The following MSR1 variants were observed in gnomAD, a reference collection of about 807,000 sequenced individuals.
MSR1 encodes macrophage scavenger receptor types I and II.
In MSR1, 53 loss-of-function variants were observed where a neutral mutation model predicts 47.2. That is an observed-to-expected ratio of 1.12 (90% confidence interval 0.90 to 1.41). The LOEUF (loss-of-function observed/expected upper bound fraction) is 1.41. Among genes scored for constraint, MSR1 ranks in the 40% most tolerant of loss-of-function variants. MSR1 has a pLI of 0.00. For missense variants in MSR1, 786 were observed against 546.9 expected, an observed-to-expected ratio of 1.44 and a Z score of -4.36; for synonymous variants, 239 against 185.6, an observed-to-expected ratio of 1.29 and a Z score of -2.34.
At chr8:16,171,143 G>A (rs1801473716) in intron 3 of MSR1, among the ~76,000 whole-genome samples, 1 of 148,512 alleles carries the variant, frequency 6.7e-6, no homozygotes, top group Non-Finnish European at 1.5e-5. Context: ...AGAATTGCTT[G>A]AGCCCGGGAG....
intron 8 of MSR1, among the ~76,000 whole-genome samples, chr8:16,124,707 C>CTTGT (rs367929747): frequency 6.6e-6 from 1 of 152,112 alleles, no homozygotes; most frequent in Non-Finnish European, 1.5e-5. Context: ...CTGCAGTAAA[C>CTTGT]TTGTTTGTTT....
Position 16,182,016 on chromosome 8 carries a change from T to C in MSR1, c.-4-4024A>G, listed in dbSNP as rs75255460. On this transcript the variant is annotated intron_variant, in intron 1 of 9. Transcript: ENST00000262101. ...TCATGGCTGTGTGAACATCATAGAG[T>C]GCATTTACACAAACCTAGATGGTCT... 4.0e-3 allele frequency among the ~76,000 whole-genome samples: 604 copies of C among 152,116 alleles called. 25 individuals are homozygous for C. In the East Asian group the frequency reaches 0.098, roughly 25 times the overall value.
At chr8:16,174,513 A>G (rs34211446) in intron 3 of MSR1, among the ~76,000 whole-genome samples, 104 of 152,302 alleles carry the variant, frequency 6.8e-4, no homozygotes, top group African/African-American at 2.5e-3. Flanking sequence ...CTCCGGTTCA[A>G]GTCAGACCCT....
intron 4 of MSR1, among the ~76,000 whole-genome samples, chr8:16,165,843 T>A (rs1801290350): frequency 6.6e-6 from 1 of 152,128 alleles, no homozygotes; most frequent in South Asian, 2.1e-4. Context: ...GCTCTAACTG[T>A]GCCTTCTCCC....
chr8:16,139,907 T>G (rs1800506900), intron 8 of MSR1: 1 of 399,046 alleles, frequency 2.5e-6, no homozygotes, highest in South Asian at 1.0e-4. Context: ...AAAATTTTTT[T>G]ATCTCCTCTG....
At chr8:16,165,252 C>T (rs896202263) in intron 4 of MSR1, among the ~76,000 whole-genome samples, 1 of 152,018 alleles carries the variant, frequency 6.6e-6, no homozygotes, top group African/African-American at 2.4e-5. Context: ...CCTCTTACTG[C>T]GTATCAGCGT....
intron 8 of MSR1, among the ~76,000 whole-genome samples, chr8:16,125,925 C>G (rs746650241): frequency 1.5e-4 from 23 of 152,140 alleles, no homozygotes; most frequent in Middle Eastern, 3.4e-3. Context: ...AGCCACTGCA[C>G]CCAGCCAAAA....
chr8:16,176,458 G>A (rs1801649734), intron 2 of MSR1, among the ~76,000 whole-genome samples: 1 of 149,078 alleles, frequency 6.7e-6, no homozygotes, highest in African/African-American at 2.5e-5. Flanking sequence ...AATGGGCTAT[G>A]ATCGCACCAC....
At position 16,116,100 on chromosome 8, in the gene MSR1, G is replaced by C. The variant is rs146468502; in HGVS notation, c.1222+4318C>G. ...CGATCTCACTCTTTCAAAGAGAATA[G>C]CAAATAAATGTGTGATAACACAGTT... On this transcript the variant is annotated intron_variant, in intron 9 of 9. Coordinates refer to ENST00000262101, the MANE Select transcript of MSR1 (RefSeq NM_138715.3). Among the ~76,000 whole-genome samples, 278 of 152,298 alleles carry C rather than the reference G, an allele frequency of 1.8e-3. 1 individual carries two copies. The highest frequency in any genetic ancestry group is 6.3e-3 in the African/African-American group (261 of 41,558).
In MSR1 at chr8:16,109,780, G is replaced by T; in HGVS notation, c.*305C>A. The T allele has an allele frequency of 2.9e-6, 1 of 339,088 alleles. No homozygotes were observed. Among genetic ancestry groups the T allele is most frequent in the South Asian group, 3.6e-5 (1 of 27,626 alleles). The allele number at this position is 339,088 out of a possible 1,614,324, so 21.0% of individuals were successfully genotyped here. A position where few individuals can be genotyped will look rare whatever the true frequency, so the allele number is the denominator to read the frequency against. On this transcript the variant is annotated 3_prime_UTR_variant, in exon 10 of 10. Coordinates refer to ENST00000262101, the MANE Select transcript of MSR1 (RefSeq NM_138715.3). ...TATTATGAATTGGAGCCAATTACTG[G>T]TATGCATTTCTATTACCCTTGGCCT...
chr8:16,140,995 C>T (rs1446332786), intron 8 of MSR1: 45 of 1,613,810 alleles, frequency 2.8e-5, no homozygotes, highest in Non-Finnish European at 3.2e-5. Flanking sequence ...GCCCAACCCA[C>T]CTGATCTTAA....
chr8:16,149,428 T>C (rs1276157615), intron 7 of MSR1, among the ~76,000 whole-genome samples: 1 of 152,000 alleles, frequency 6.6e-6, no homozygotes, highest in African/African-American at 2.4e-5. Flanking sequence ...AGGGCCTCAC[T>C]ATGTTGCTCA....
chr8:16,133,024 T>A (rs1800300162), intron 8 of MSR1, among the ~76,000 whole-genome samples: 1 of 152,194 alleles, frequency 6.6e-6, no homozygotes, highest in Non-Finnish European at 1.5e-5. Flanking sequence ...TCTATTGAGA[T>A]CATCATGTAG....
intron 9 of MSR1, among the ~76,000 whole-genome samples, chr8:16,117,418 C>A (rs1217059158): frequency 6.6e-6 from 1 of 152,036 alleles, no homozygotes; most frequent in Non-Finnish European, 1.5e-5. Flanking sequence ...AATAGTAAAT[C>A]AATTGCTTGT....
intron 1 of MSR1, 48 bp from the exon 2 acceptor site, chr8:16,178,040 G>C (rs1472593820): frequency 7.2e-7 from 1 of 1,398,260 alleles, no homozygotes. Flanking sequence ...GAAATGGCTA[G>C]GGCTCTTTTG....
At chr8:16,174,823 T>C (rs781051041) in intron 3 of MSR1, among the ~76,000 whole-genome samples, 5 of 152,134 alleles carry the variant, frequency 3.3e-5, no homozygotes, top group Non-Finnish European at 4.4e-5. Flanking sequence ...ATGATCATCT[T>C]ACTTCTTCAC....
intron 1 of MSR1, among the ~76,000 whole-genome samples, chr8:16,178,461 T>C (rs1801726690): frequency 6.6e-6 from 1 of 152,210 alleles, no homozygotes; most frequent in African/African-American, 2.4e-5. Context: ...TGCATAGTAC[T>C]CCACGGTGTA....
chr8:16,157,739 A>T (rs1297754124), intron 5 of MSR1, among the ~76,000 whole-genome samples: 2 of 152,018 alleles, frequency 1.3e-5, no homozygotes, highest in African/African-American at 4.8e-5. Flanking sequence ...ACCTTCCAAA[A>T]CTAGCCTCCT....
chr8:16,123,759 C>T (rs1800064653), intron 8 of MSR1, among the ~76,000 whole-genome samples: 1 of 151,784 alleles, frequency 6.6e-6, no homozygotes, highest in African/African-American at 2.4e-5. Context: ...TAATTTAAAC[C>T]AAAACCAAAA....
Sources: allele counts gnomAD v4.1 joint callset (sites outside exome capture counted in the v4.1 genomes callset), GRCh38; gene constraint gnomAD v4.1.1; transcripts MANE v1.5; gene names NCBI Gene and HGNC (gene_info 2026-07-23, HGNC 2026-07-21).